The following HS6ST3 variants were observed in gnomAD, a reference collection of about 807,000 sequenced individuals.
The protein encoded by HS6ST3 is heparan-sulfate 6-O-sulfotransferase 3.
Under a neutral mutation model 36.7 loss-of-function variants are expected in HS6ST3, and 12 were observed. The observed-to-expected ratio is 0.33, with a 90% CI of 0.21 to 0.53. The LOEUF is 0.53. Among genes scored for constraint, HS6ST3 ranks in the 20% least tolerant of loss-of-function variants. The probability of loss-of-function intolerance (pLI) is 0.95; values close to 1 mark genes in which losing one functional copy is unlikely to be tolerated. For synonymous variants in HS6ST3, 240 were observed against 257.5 expected, an observed-to-expected ratio of 0.93 and a Z score of 0.65; for missense variants, 584 against 640.9, an observed-to-expected ratio of 0.91 and a Z score of 0.96.
chr13:96,219,685 C>G (rs1005829476), intron 1 of HS6ST3, among the ~76,000 whole-genome samples: 2 of 151,860 alleles, frequency 1.3e-5, no homozygotes, highest in Non-Finnish European at 2.9e-5. Context: ...GCAGGATTCT[C>G]TTTCTTTTTT....
intron 1 of HS6ST3, among the ~76,000 whole-genome samples, chr13:96,220,531 T>A (rs954207315): frequency 3.3e-5 from 5 of 152,218 alleles, no homozygotes; most frequent in African/African-American, 1.2e-4. Flanking sequence ...TCTAAACTAT[T>A]TGAGCTAGCT....
intron 1 of HS6ST3, among the ~76,000 whole-genome samples, chr13:96,644,995 GT>G (rs1479062090): frequency 6.6e-6 from 1 of 151,860 alleles, no homozygotes; most frequent in African/African-American, 2.4e-5. Context: ...AATACTAACT[GT>G]TTGAATTCAA....
intron 1 of HS6ST3, among the ~76,000 whole-genome samples, chr13:96,739,652 A>G (rs1378987644): frequency 6.6e-6 from 1 of 151,976 alleles, no homozygotes; most frequent in Non-Finnish European, 1.5e-5. Context: ...ATTTCTCACC[A>G]TGATTATTCT....
intron 1 of HS6ST3, among the ~76,000 whole-genome samples, chr13:96,571,367 C>T (rs1280578678): frequency 6.6e-6 from 1 of 152,182 alleles, no homozygotes; most frequent in African/African-American, 2.4e-5. Context: ...TAACTTCAAA[C>T]TGAGCACTAT....
intron 1 of HS6ST3, among the ~76,000 whole-genome samples, chr13:96,128,381 C>T (rs1248749052): frequency 6.6e-6 from 1 of 152,148 alleles, no homozygotes; most frequent in Non-Finnish European, 1.5e-5. Context: ...CAGCTGCTGA[C>T]ATTGAGCTGT....
At chr13:96,145,673 CA>C (rs2054054590) in intron 1 of HS6ST3, among the ~76,000 whole-genome samples, 1 of 152,084 alleles carries the variant, frequency 6.6e-6, no homozygotes, top group African/African-American at 2.4e-5. Context: ...TCCCATTTGT[CA>C]ATTTTGTCTT....
chr13:96,585,303 C>T (rs916491676), intron 1 of HS6ST3, among the ~76,000 whole-genome samples: 4 of 151,946 alleles, frequency 2.6e-5, no homozygotes, highest in Admixed American at 6.6e-5. Context: ...ATACCTGCTA[C>T]GAAGTTCACA....
intron 1 of HS6ST3, among the ~76,000 whole-genome samples, chr13:96,769,003 T>C (rs945733859): frequency 6.6e-6 from 1 of 152,136 alleles, no homozygotes; most frequent in Non-Finnish European, 1.5e-5. Flanking sequence ...AGGATTCTGA[T>C]GTTGCTGGTC....
rs1180938611 is a variant in HS6ST3, at chr13:96,838,195, A to G, written c.*4997A>G. 6.6e-6 allele frequency: 1 copy of G among 152,192 alleles called. No homozygotes were observed. The highest frequency in any genetic ancestry group is 1.5e-5 in the Non-Finnish European group (1 of 68,020). 9.4% of individuals were successfully genotyped at this position (152,192 alleles called of 1,614,324 possible). A position where few individuals can be genotyped will look rare whatever the true frequency, so the allele number is the denominator to read the frequency against. ...AAAGGTAATGAATTAAATATATGAC[A>G]TGTAATACTGAAAAAATAGAAAAAT... On this transcript the variant is annotated 3_prime_UTR_variant, in exon 2 of 2. Coordinates refer to ENST00000376705, the MANE Select transcript of HS6ST3 (RefSeq NM_153456.4).
chr13:96,256,197 T>C (rs2054636741), intron 1 of HS6ST3, among the ~76,000 whole-genome samples: 2 of 152,196 alleles, frequency 1.3e-5, no homozygotes, highest in South Asian at 4.1e-4. Flanking sequence ...ATATGGTCAC[T>C]GCAATTGGTA....
chr13:96,653,140 C>T (rs1268581421), intron 1 of HS6ST3, among the ~76,000 whole-genome samples: 2 of 151,988 alleles, frequency 1.3e-5, no homozygotes, highest in African/African-American at 4.8e-5. Context: ...AGTCTTGAAC[C>T]AAGAGTGACT....
At chr13:96,501,966 A>G (rs2056006224) in intron 1 of HS6ST3, among the ~76,000 whole-genome samples, 2 of 152,220 alleles carry the variant, frequency 1.3e-5, no homozygotes, top group African/African-American at 2.4e-5. Flanking sequence ...TCTGACTTTT[A>G]TTCTATCAGT....
At chr13:96,663,307 T>C (rs1440191472) in intron 1 of HS6ST3, among the ~76,000 whole-genome samples, 2 of 152,186 alleles carry the variant, frequency 1.3e-5, no homozygotes, top group Admixed American at 1.3e-4. Context: ...CTGAGAGCTG[T>C]GCAAAACTTC....
chr13:96,245,092 A>G (rs1246443473), intron 1 of HS6ST3, among the ~76,000 whole-genome samples: 2 of 152,174 alleles, frequency 1.3e-5, no homozygotes, highest in Admixed American at 6.6e-5. Flanking sequence ...TTTGTGTGTC[A>G]TTACTAAATC....
At chr13:96,182,750 C>T (rs1319975661) in intron 1 of HS6ST3, among the ~76,000 whole-genome samples, 1 of 151,920 alleles carries the variant, frequency 6.6e-6, no homozygotes, top group Non-Finnish European at 1.5e-5. Context: ...TGTACTAATA[C>T]TTAGTTGCAA....
intron 1 of HS6ST3, among the ~76,000 whole-genome samples, chr13:96,474,006 T>A (rs561561552): frequency 6.6e-6 from 1 of 152,292 alleles, no homozygotes; most frequent in South Asian, 2.1e-4. Context: ...GTGTTGTCGC[T>A]TGGCTTTCCT....
intron 1 of HS6ST3, among the ~76,000 whole-genome samples, chr13:96,629,732 C>T (rs2056525374): frequency 2.6e-5 from 4 of 151,968 alleles, no homozygotes; most frequent in Admixed American, 2.6e-4. Flanking sequence ...TATTTAGTTA[C>T]CTTGGAAGCC....
intron 1 of HS6ST3, among the ~76,000 whole-genome samples, chr13:96,731,945 C>T (rs1246489457): frequency 6.6e-6 from 1 of 152,130 alleles, no homozygotes; most frequent in Non-Finnish European, 1.5e-5. Flanking sequence ...CATAATCTAC[C>T]ACACAGAGCC....
In HS6ST3 at chr13:96,304,711, C is replaced by CTTT. The variant is rs61314597; in HGVS notation, c.707+213160_707+213162dup. Among the ~76,000 whole-genome samples, 369 of 89,320 alleles carry CTTT rather than the reference C, an allele frequency of 4.1e-3. 2 individuals carry two copies. The highest frequency in any genetic ancestry group is 6.5e-3 in the Non-Finnish European group (283 of 43,874). 58.6% of individuals were successfully genotyped at this position (89,320 alleles called of 152,430 possible). On this transcript the variant is annotated intron_variant, in intron 1 of 1. Coordinates refer to ENST00000376705, the MANE Select transcript of HS6ST3 (RefSeq NM_153456.4). ...TCTTTCTTTCTTTCTTTCTTTCTTT[C>CTTT]TTTTTTTTTTTTTTTTTTTTACAGA...
Sources: gnomAD v4.1 joint callset for allele counts (sites outside exome capture counted in the v4.1 genomes callset) on GRCh38, gnomAD v4.1.1 for gene constraint, MANE v1.5 for transcripts, NCBI Gene and HGNC (gene_info 2026-07-23, HGNC 2026-07-21) for gene names.